C1R: variants seen among roughly 807,000 people sequenced by gnomAD.
C1R encodes complement C1r, also known as complement C1r subcomponent.
A neutral mutation model predicts 27.6 loss-of-function variants in C1R; 15 were observed. That is an observed-to-expected ratio of 0.54 (90% CI 0.36 to 0.84). The LOEUF is 0.84. Ranked by LOEUF, C1R falls within the 40% of genes least tolerant of loss-of-function variation. The pLI is 0.01. For synonymous variants in C1R, 253 were observed against 228.8 expected (o/e 1.11, Z -0.95); for missense variants, 544 against 577.9 (o/e 0.94, Z 0.60).
In C1R at chr12:7,089,618, A is replaced by T; in HGVS notation, c.540T>A (p.Tyr180Ter). The change falls in exon 4 of 11, where the codon TAT (tyrosine) becomes TAA (stop). Residue 180 changes from tyrosine (Y) to a stop codon, truncating the protein, a stop_gained. Coordinates refer to ENST00000647956, the MANE Select transcript of C1R (RefSeq NM_001733.7). LOFTEE classifies it high-confidence loss of function. The part of the protein sequence containing the change: ...GGYFCSCRPG[Y>*]ELQEDRHSCQ... ...AGGAATGCCTGTCTTCCTGAAGCTC[A>T]TAGCCTGGACGGCAGGAACAGAAGT... is the stretch of plus-strand genomic sequence containing the variant. The T allele has an allele frequency of 1.3e-6, 1 of 780,928 alleles. No homozygotes were observed. The highest frequency in any genetic ancestry group is 2.4e-5 in the East Asian group (1 of 41,260). The allele number at this position is 780,928 out of a possible 1,614,324, so 48.4% of individuals were successfully genotyped here. A position where few individuals can be genotyped will look rare whatever the true frequency, so the allele number is the denominator to read the frequency against.
chr12:7,089,682 G>A lies in C1R; in HGVS notation c.476C>T (p.Pro159Leu), dbSNP rs1265338218. Reference sequence around the variant, plus strand: ...GTTGTGACACAGGTGCTGGCACTGGGGCTGGGGATCCTCCTCCCCTGATTT... The same window carrying A: ...GTTGTGACACAGGTGCTGGCACTGGAGCTGGGGATCCTCCTCCCCTGATTT... The part of the protein sequence containing the change: ...RSKSGEEDPQ[P>L]QCQHLCHNYV... The change falls in exon 4 of 11, where the codon CCC becomes CTC. Residue 159 changes from proline (P) to leucine (L), a missense_variant. By Grantham distance (98) the Pro-to-Leu change is moderately conservative. Coordinates refer to ENST00000647956, the MANE Select transcript of C1R (RefSeq NM_001733.7). 2 of 780,810 alleles carry A rather than the reference G, an allele frequency of 2.6e-6. No homozygotes were observed. Among genetic ancestry groups the A allele is most frequent in the Non-Finnish European group, 4.8e-6 (2 of 418,004 alleles). The allele number at this position is 780,810 out of a possible 1,614,324, so 48.4% of individuals were successfully genotyped here.
intron 1 of C1R, 130 bp downstream of exon 1, chr12:7,092,257 C>T (rs1350033985): frequency 2.0e-5 from 15 of 747,374 alleles, no homozygotes; most frequent in East Asian, 1.3e-4. Flanking sequence ...TGTGTCCACG[C>T]GTGTGCACAG....
At chr12:7,086,869 G>T (rs1836672163) in intron 7 of C1R, 1 of 155,154 alleles carries the variant, frequency 6.4e-6, no homozygotes, top group South Asian at 2.1e-4. Context: ...CTGCCTCCAG[G>T]CGTGCATCAC....
intron 8 of C1R, among the ~76,000 whole-genome samples, 172 bp downstream of exon 8, chr12:7,086,207 C>A (rs1377764333): frequency 1.3e-5 from 2 of 152,164 alleles, no homozygotes; most frequent in Admixed American, 6.5e-5. Flanking sequence ...ATCCATCCCA[C>A]TGAGATGAGG....
At chr12:7,088,539 CTG>C (rs1251361002) in intron 7 of C1R, 69 bp downstream of exon 7, 1 of 718,508 alleles carries the variant, frequency 1.4e-6, no homozygotes, top group Non-Finnish European at 2.6e-6. Flanking sequence ...ACTAAATCCT[CTG>C]TGAACCCACC....
At position 7,086,559 on chromosome 12, in the gene C1R, T is replaced by TTGGCTCCCCCATGGATG. The variant is rs1171467245; in HGVS notation, c.1039-119_1039-103dup. 131 of 383,926 alleles carry TTGGCTCCCCCATGGATG rather than the reference T, an allele frequency of 3.4e-4. 2 individuals carry two copies. Among genetic ancestry groups the TTGGCTCCCCCATGGATG allele is most frequent in the African/African-American group, 2.5e-3 (118 of 48,060 alleles). The allele number at this position is 383,926 out of a possible 1,614,324, so 23.8% of individuals were successfully genotyped here. On this transcript the variant is annotated intron_variant, in intron 7 of 10. Transcript: ENST00000647956. Reference sequence around the variant, plus strand: ...GTGGGAGGCAATACCAAGACATCTCTTGGCTCCCCCATGGATGTGGCTCCC... The same window carrying TTGGCTCCCCCATGGATG: ...GTGGGAGGCAATACCAAGACATCTCTTGGCTCCCCCATGGATGTGGCTCCCCCATGGATGTGGCTCCC...
intron 1 of C1R, chr12:7,092,126 G>A (rs1938291312): frequency 5.0e-6 from 3 of 600,392 alleles, no homozygotes; most frequent in Non-Finnish European, 6.0e-6. Flanking sequence ...TCCTGGGCAA[G>A]GGGTCCCCTC....
Position 7,086,062 on chromosome 12 carries a change from T to C in C1R, c.1118-46A>G, listed in dbSNP as rs1019412227. 1,060 of 398,724 alleles carry C rather than the reference T, an allele frequency of 2.7e-3. 10 individuals are homozygous for C. Among genetic ancestry groups the C allele is most frequent in the African/African-American group, 0.019 (923 of 48,742 alleles). 24.7% of individuals were successfully genotyped at this position (398,724 alleles called of 1,614,324 possible). On this transcript the variant is annotated intron_variant, in intron 8 of 10. Coordinates refer to ENST00000647956, the MANE Select transcript of C1R (RefSeq NM_001733.7). ...GGGTGAGAGCTGAGAATGACTGTGCTGGAACTTCAGTGAGGGGAGTGTGAG... is the reference window on the plus strand; with the variant it reads ...GGGTGAGAGCTGAGAATGACTGTGCCGGAACTTCAGTGAGGGGAGTGTGAG...
chr12:7,080,455 A>G lies in C1R; in HGVS notation c.*77T>C. ...ATTTTAATAGAGACTCTTAGTGGTT[A>G]TCAACAACTGGTCAGTTGTTTTTTG... On this transcript the variant is annotated 3_prime_UTR_variant, in exon 11 of 11. Transcript: ENST00000647956. This position sits in a 1 kb window ranked among gnomAD's most constrained non-coding sequence, Gnocchi z 4.9. 4 of 1,506,884 alleles carry G rather than the reference A, an allele frequency of 2.7e-6. No individual in the cohort carries two copies. Among genetic ancestry groups the G allele is most frequent in the Non-Finnish European group, 3.5e-6 (4 of 1,129,976 alleles). 93.3% of individuals were successfully genotyped at this position (1,506,884 alleles called of 1,614,324 possible). A position where few individuals can be genotyped will look rare whatever the true frequency, so the allele number is the denominator to read the frequency against.
chr12:7,086,999 G>C (rs1565629875), intron 7 of C1R: 1 of 152,412 alleles, frequency 6.6e-6, no homozygotes, highest in Middle Eastern at 3.4e-3. Context: ...TGTTGCTATT[G>C]AGCAGGGACA....
At chr12:7,089,813 C>T (rs772158595) in intron 3 of C1R, 80 bp from the exon 4 acceptor site, 12 of 738,658 alleles carry the variant, frequency 1.6e-5, no homozygotes, top group African/African-American at 5.2e-5. Context: ...AGGTCACTCA[C>T]CAGAGACCTA....
chr12:7,081,962 G>T, intron 10 of C1R, 70 bp downstream of exon 10: 5 of 1,299,278 alleles, frequency 3.8e-6, no homozygotes, highest in Non-Finnish European at 5.3e-6. Context: ...CTTTTTCTGG[G>T]CCACACTGCT....
chr12:7,082,493 G>A (rs1159617377), intron 9 of C1R, among the ~76,000 whole-genome samples: 38 of 151,934 alleles, frequency 2.5e-4, no homozygotes, highest in African/African-American at 5.1e-4. Context: ...CACCATGCCC[G>A]GCTAATTTTT....
chr12:7,081,723 C>G (rs757671526), intron 10 of C1R, among the ~76,000 whole-genome samples: 1 of 152,224 alleles, frequency 6.6e-6, no homozygotes, highest in Admixed American at 6.5e-5. Flanking sequence ...GAACTCCTGA[C>G]CTCAGGTGAT....
chr12:7,092,368 G>C lies in C1R; in HGVS notation c.2+19C>G. 1.3e-6 allele frequency: 1 copy of C among 780,854 alleles called. No individual in the cohort carries two copies. Among genetic ancestry groups the C allele is most frequent in the South Asian group, 1.3e-5 (1 of 74,618 alleles). 48.4% of individuals were successfully genotyped at this position (780,854 alleles called of 1,614,324 possible). A position where few individuals can be genotyped will look rare whatever the true frequency, so the allele number is the denominator to read the frequency against. ...CCTGGCTTCTCCCTCCCACCTGGTT[G>C]CCCATCACCCTTACTCACATTTCTC... is the stretch of plus-strand genomic sequence containing the variant. On this transcript the variant is annotated intron_variant, in intron 1 of 10. Coordinates refer to ENST00000647956, the MANE Select transcript of C1R (RefSeq NM_001733.7).
chr12:7,088,461 C>T (rs1826514805), intron 7 of C1R, 149 bp downstream of exon 7: 1 of 710,854 alleles, frequency 1.4e-6, no homozygotes, highest in Non-Finnish European at 2.6e-6. Context: ...AAGTGTGCAG[C>T]AAGTTTGAGA....
chr12:7,091,432 C>T lies in C1R; in HGVS notation c.231+20G>A, dbSNP rs1204117361. Reference sequence around the variant, plus strand: ...AGGGCCCAGTTTTGTCTCCCCTCTGCCCGCCCATCCTGCCCCTACCTTGAC... The same window carrying T: ...AGGGCCCAGTTTTGTCTCCCCTCTGTCCGCCCATCCTGCCCCTACCTTGAC... On this transcript the variant is annotated intron_variant, in intron 2 of 10. Coordinates refer to ENST00000647956, the MANE Select transcript of C1R (RefSeq NM_001733.7). The surrounding 1 kb of genome is among the most constrained non-coding windows in gnomAD (Gnocchi z 5.1). The T allele has an allele frequency of 1.4e-6, 1 of 735,556 alleles. No homozygotes were observed. Among genetic ancestry groups the T allele is most frequent in the East Asian group, 2.6e-5 (1 of 38,906 alleles). 45.6% of individuals were successfully genotyped at this position (735,556 alleles called of 1,614,324 possible).
In C1R at chr12:7,089,869, A is replaced by G. The variant is rs747039205; in HGVS notation, c.425-136T>C. 162 of 712,092 alleles carry G rather than the reference A, an allele frequency of 2.3e-4. 1 individual carries two copies. Among genetic ancestry groups the G allele is most frequent in the African/African-American group, 2.1e-4 (12 of 57,360 alleles). The allele number at this position is 712,092 out of a possible 1,614,324, so 44.1% of individuals were successfully genotyped here. A position where few individuals can be genotyped will look rare whatever the true frequency, so the allele number is the denominator to read the frequency against. ...CCACCTGGACCTCCAGGCCTCTCCA[A>G]TGCTCTCTGGGGACTGCTCCATGGG... On this transcript the variant is annotated intron_variant, in intron 3 of 10. Coordinates refer to ENST00000647956, the MANE Select transcript of C1R (RefSeq NM_001733.7).
chr12:7,090,332 C>G, intron 2 of C1R, 84 bp from the exon 3 acceptor site: 5 of 657,308 alleles, frequency 7.6e-6, no homozygotes, highest in Non-Finnish European at 1.4e-5. Context: ...CTCCTTGTCT[C>G]GCCCAGAGTG....
Sources: allele counts gnomAD v4.1 joint callset (sites outside exome capture counted in the v4.1 genomes callset), GRCh38; gene constraint gnomAD v4.1.1; non-coding constraint Gnocchi (gnomAD v3.1); transcripts MANE v1.5; gene names NCBI Gene and HGNC (gene_info 2026-07-23, HGNC 2026-07-21).